PCGF2: variants seen among roughly 807,000 people sequenced by gnomAD.
PCGF2 encodes the protein polycomb group ring finger 2.
Under a neutral mutation model 36.1 loss-of-function variants are expected in PCGF2, and 8 were observed. The observed-to-expected ratio is 0.22, with a 90% CI of 0.13 to 0.40. The LOEUF (loss-of-function observed/expected upper bound fraction) is 0.40. PCGF2 is among the 10% of genes least tolerant of loss of function. The pLI, the probability that PCGF2 is intolerant of heterozygous loss-of-function variation, is 1.00. For missense variants in PCGF2, 436 were observed against 475.9 expected (o/e 0.92, Z 0.78); for synonymous variants, 198 against 191.2 (o/e 1.04, Z -0.29).
Position 38,735,190 on chromosome 17 carries a change from G to C in PCGF2, c.*33C>G, listed in dbSNP as rs376471012. ...CAGAAAAAGTGGAAGGAGTGGAGAGGCTTGGCTGGAAGAAGGGAGAGGGTC... is the reference window on the plus strand; with the variant it reads ...CAGAAAAAGTGGAAGGAGTGGAGAGCCTTGGCTGGAAGAAGGGAGAGGGTC... On this transcript the variant is annotated 3_prime_UTR_variant, in exon 11 of 11. Transcript: ENST00000620225. The C allele has an allele frequency of 4.5e-5, 61 of 1,355,872 alleles. No individual in the cohort carries two copies. The Middle Eastern group carries it at 7.8e-4, about 17-fold the overall frequency. The allele number at this position is 1,355,872 out of a possible 1,614,324, so 84.0% of individuals were successfully genotyped here. A position where few individuals can be genotyped will look rare whatever the true frequency, so the allele number is the denominator to read the frequency against.
At chr17:38,738,662 C>T in intron 7 of PCGF2, 67 bp from the exon 8 acceptor site, 1 of 1,547,996 alleles carries the variant, frequency 6.5e-7, no homozygotes, top group Non-Finnish European at 8.8e-7. Context: ...GAGGATGATC[C>T]CTCAATGGAC....
intron 2 of PCGF2, 56 bp from the exon 3 acceptor site, chr17:38,740,498 G>A (rs56171152): frequency 0.19 from 252,848 of 1,365,274 alleles, 25,170 homozygotes; most frequent in Admixed American, 0.28. Context: ...GGTGGTTCAC[G>A]CCTGTAATCC....
chr17:38,748,540 G>A (rs1395844875), upstream of PCGF2, among the ~76,000 whole-genome samples: 4 of 152,142 alleles, frequency 2.6e-5, no homozygotes, highest in East Asian at 5.8e-4. Flanking sequence ...CCCCGCCACC[G>A]GCTGCCGGGT....
At chr17:38,737,098 G>A (rs530513687) in intron 9 of PCGF2, among the ~76,000 whole-genome samples, 98 of 152,116 alleles carry the variant, frequency 6.4e-4, no homozygotes, top group African/African-American at 2.3e-3. Context: ...TCCTGCCATT[G>A]CACTCCAGCC....
Position 38,738,445 on chromosome 17 carries a change from C to G in PCGF2, c.484G>C (p.Gly162Arg), listed in dbSNP as rs745485150. 6.2e-6 allele frequency: 10 copies of G among 1,614,204 alleles called. No individual in the cohort carries two copies. The South Asian group carries it at 1.1e-4, about 18-fold the overall frequency. Residue 162 changes from glycine to arginine, a missense_variant, in exon 9 of 11, where the codon GGG becomes CGG. Gly to Arg is a moderately radical substitution (Grantham distance 125, BLOSUM62 -2). Around this residue, in one of 3 missense-constraint regions of PCGF2, gnomAD observed 189 missense variants for 219.3 expected, o/e 0.86. Coordinates refer to ENST00000620225, the MANE Select transcript of PCGF2 (RefSeq NM_007144.3). ...ENGDGDKEKTGVRFLRCPAAM... is the reference protein window; with the variant it reads ...ENGDGDKEKTRVRFLRCPAAM... ...GCTGGGCATCGCAGGAAGCGCACCC[C>G]TGTCTGCTGGGGCACAGGCACCCAT...
chr17:38,743,437 C>T (rs996069459), intron 2 of PCGF2, among the ~76,000 whole-genome samples: 1 of 151,918 alleles, frequency 6.6e-6, no homozygotes, highest in African/African-American at 2.4e-5. Context: ...CCCCACACTG[C>T]GAATGGCTGT....
intron 3 of PCGF2, among the ~76,000 whole-genome samples, chr17:38,740,056 C>T (rs1342798263): frequency 1.3e-5 from 2 of 152,248 alleles, no homozygotes; most frequent in East Asian, 3.8e-4. Flanking sequence ...TCAGCCATTT[C>T]AAGAAAGAAC....
chr17:38,735,798 C>T (rs1369619405), intron 10 of PCGF2, among the ~76,000 whole-genome samples, 198 bp from the exon 11 acceptor site: 2 of 152,118 alleles, frequency 1.3e-5, no homozygotes, highest in Admixed American at 1.3e-4. Flanking sequence ...GCAGAGACTC[C>T]GTCAGAGAGG....
rs1906537787 is a variant in PCGF2 at position 38,734,699 on chromosome 17, G to A, written c.*524C>T. On this transcript the variant is annotated 3_prime_UTR_variant, in exon 11 of 11. Transcript: ENST00000620225. ...AATTTCTGGACATTCAACAACGTGG[G>A]GGGCGGCCACTGGTCAGAGGCAGGA... is the stretch of plus-strand genomic sequence containing the variant. The A allele has an allele frequency of 6.5e-6, 1 of 152,774 alleles. No individual in the cohort carries two copies. Among genetic ancestry groups the A allele is most frequent in the Non-Finnish European group, 1.5e-5 (1 of 68,206 alleles). 9.5% of individuals were successfully genotyped at this position (152,774 alleles called of 1,614,324 possible). A position where few individuals can be genotyped will look rare whatever the true frequency, so the allele number is the denominator to read the frequency against.
In PCGF2 at chr17:38,735,359, G is replaced by T; in HGVS notation, c.899C>A (p.Pro300His). The T allele has an allele frequency of 6.4e-7, 1 of 1,560,846 alleles. No homozygotes were observed. The highest frequency in any genetic ancestry group is 2.4e-5 in the East Asian group (1 of 42,198). Residue 300 changes from proline (P) to histidine (H), a missense_variant, in exon 11 of 11, where the codon CCC becomes CAC. Transcript: ENST00000620225. ...HGPPATHPTS[P>H]TPPSTASGAT... Reference sequence around the variant, plus strand: ...CCCACTGGCTGTCGAAGGGGGAGTGGGGGAGGTAGGGTGGGTGGCTGGAGG... The same window carrying T: ...CCCACTGGCTGTCGAAGGGGGAGTGTGGGAGGTAGGGTGGGTGGCTGGAGG...
Position 38,740,300 on chromosome 17 carries a change from G to A in PCGF2, c.103C>T (p.Leu35=), listed in dbSNP as rs1907099652. ...FIDATTIVEC[L]HSFCKTCIVR... is the part of the protein sequence containing the mutation. ...CCTCCCCCCAACTCACAGGAATGCA[G>A]GCACTCCACGATAGTGGTGGCGTCG... Residue 35 remains leucine (L), a synonymous_variant, in exon 3 of 11, where the codon CTG becomes TTG. Coordinates refer to ENST00000620225, the MANE Select transcript of PCGF2 (RefSeq NM_007144.3). The A allele has an allele frequency of 1.2e-6, 2 of 1,612,490 alleles. No homozygotes were observed. The highest frequency in any genetic ancestry group is 2.7e-5 in the African/African-American group (2 of 74,852).
chr17:38,738,933 G>A, intron 6 of PCGF2, 72 bp from the exon 7 acceptor site: 1 of 1,539,178 alleles, frequency 6.5e-7, no homozygotes, highest in Non-Finnish European at 9.0e-7. Flanking sequence ...CAGAGATCAT[G>A]AACTCAGCCA....
In PCGF2 at chr17:38,738,270, G is replaced by A. The variant is rs1315460926; in HGVS notation, c.576+83C>T. The A allele has an allele frequency of 2.5e-6, 3 of 1,192,368 alleles. No homozygotes were observed. In the East Asian group the frequency reaches 7.4e-5, roughly 30 times the overall value. The allele number at this position is 1,192,368 out of a possible 1,614,324, so 73.9% of individuals were successfully genotyped here. ...GCAAGCCCTGGGTGACACCTAGCCA[G>A]CTCTGACCAATGGCTGGGCTGCACA... On this transcript the variant is annotated intron_variant, in intron 9 of 10. Coordinates refer to ENST00000620225, the MANE Select transcript of PCGF2 (RefSeq NM_007144.3).
At chr17:38,746,203 C>G (rs2143154068) in intron 2 of PCGF2, among the ~76,000 whole-genome samples, 1 of 152,126 alleles carries the variant, frequency 6.6e-6, no homozygotes, top group East Asian at 1.9e-4. Context: ...CAAACAAAGG[C>G]AAAACCCCAA....
Position 38,735,153 on chromosome 17 carries a change from G to T in PCGF2, c.*70C>A. 8.1e-7 allele frequency: 1 copy of T among 1,237,648 alleles called. No homozygotes were observed. The highest frequency in any genetic ancestry group is 1.0e-6 in the Non-Finnish European group (1 of 957,824). The allele number at this position is 1,237,648 out of a possible 1,614,324, so 76.7% of individuals were successfully genotyped here. On this transcript the variant is annotated 3_prime_UTR_variant, in exon 11 of 11. Coordinates refer to ENST00000620225, the MANE Select transcript of PCGF2 (RefSeq NM_007144.3). ...AGAGCTGGGGAAAGTAGAAGAGGTG[G>T]AAAAAAGGGCCCAGAAAAAGTGGAA... is the stretch of plus-strand genomic sequence containing the variant.
At chr17:38,744,355 CTCT>C (rs1256703879) in intron 2 of PCGF2, among the ~76,000 whole-genome samples, 1 of 152,068 alleles carries the variant, frequency 6.6e-6, no homozygotes, top group African/African-American at 2.4e-5. Flanking sequence ...TTCTCTCTCT[CTCT>C]TTTTTTTTTC....
rs1322585642 is a variant in PCGF2 at position 38,735,585 on chromosome 17, G to A, written c.673C>T (p.Leu225Phe). The change falls in exon 11 of 11, where the codon CTC becomes TTC. Residue 225 changes from leucine to phenylalanine, a missense_variant. By Grantham distance (22) the Leu-to-Phe change is conservative. This residue lies in a region of PCGF2 where 227 missense variants were observed against 212.9 expected (regional missense o/e 1.07). Coordinates refer to ENST00000620225, the MANE Select transcript of PCGF2 (RefSeq NM_007144.3). ...YPWRRNGPLPLKYRVQPACKR... is the reference protein window; with the variant it reads ...YPWRRNGPLPFKYRVQPACKR... ...CAGGCTGGCTGGACACGGTACTTGA[G>A]GGGGAGAGGCCCGTTCTGCGGGGAG... 2 of 1,576,314 alleles carry A rather than the reference G, an allele frequency of 1.3e-6. No individual in the cohort carries two copies. The highest frequency in any genetic ancestry group is 1.3e-5 in the African/African-American group (1 of 74,448).
At position 38,738,339 on chromosome 17, in the gene PCGF2, G is replaced by A. The variant is rs2143087041; in HGVS notation, c.576+14C>T. The A allele has an allele frequency of 1.9e-6, 3 of 1,606,800 alleles. No individual in the cohort carries two copies. The highest frequency in any genetic ancestry group is 2.6e-6 in the Non-Finnish European group (3 of 1,173,526). Reference sequence around the variant, plus strand: ...TACACAGACACTCATTTTTTGAAAGGCCCAGGGACCCACCTTGTACTTGCT... The same window carrying A: ...TACACAGACACTCATTTTTTGAAAGACCCAGGGACCCACCTTGTACTTGCT... On this transcript the variant is annotated intron_variant, in intron 9 of 10. Transcript: ENST00000620225.
chr17:38,736,795 C>T (rs1455662025), intron 9 of PCGF2, among the ~76,000 whole-genome samples: 2 of 151,698 alleles, frequency 1.3e-5, no homozygotes, highest in Admixed American at 6.6e-5. Flanking sequence ...GATAGTGCCC[C>T]TGAACTCCAG....
Sources: gnomAD v4.1 joint callset for allele counts (sites outside exome capture counted in the v4.1 genomes callset) on GRCh38, gnomAD v4.1.1 for gene constraint, gnomAD v4.1.1 regional missense constraint, MANE v1.5 for transcripts, NCBI Gene and HGNC (gene_info 2026-07-23, HGNC 2026-07-21) for gene names.